Variants in ZNF280D observed in about 807,000 individuals in gnomAD.
ZNF280D encodes suppressor of hairy wing homolog 4.
Under a neutral mutation model 94.7 loss-of-function variants are expected in ZNF280D, and 39 were observed. The observed-to-expected ratio is 0.41, with a 90% CI of 0.32 to 0.54. The LOEUF (loss-of-function observed/expected upper bound fraction) is 0.54, where lower values mean the gene tolerates loss of function less well. Ranked by LOEUF, ZNF280D falls within the 20% of genes least tolerant of loss-of-function variation. The pLI is 0.22. For synonymous variants in ZNF280D, 398 were observed against 377.6 expected, an observed-to-expected ratio of 1.05 and a Z score of -0.63; for missense variants, 1,090 against 1,149.3, an observed-to-expected ratio of 0.95 and a Z score of 0.75.
intron 7 of ZNF280D, among the ~76,000 whole-genome samples, chr15:56,691,616 A>T (rs1433531174): frequency 6.6e-6 from 1 of 152,128 alleles, no homozygotes; most frequent in Non-Finnish European, 1.5e-5. Context: ...GCTGGTAAAA[A>T]TCCTATTCTC....
At chr15:56,695,925 T>C (rs2056720909) in intron 6 of ZNF280D, among the ~76,000 whole-genome samples, 2 of 152,178 alleles carry the variant, frequency 1.3e-5, no homozygotes, top group Non-Finnish European at 1.5e-5. Flanking sequence ...TACACTCTTC[T>C]CACTTTTCTA....
intron 9 of ZNF280D, among the ~76,000 whole-genome samples, chr15:56,687,303 A>G (rs1348361471): frequency 1.3e-5 from 2 of 152,132 alleles, no homozygotes. Flanking sequence ...TGAAAATTCT[A>G]TGAAGTTCTG....
chr15:56,709,081 T>C (rs1306907289), intron 1 of ZNF280D, among the ~76,000 whole-genome samples: 4 of 151,864 alleles, frequency 2.6e-5, no homozygotes, highest in South Asian at 2.1e-4. Flanking sequence ...AACCTACAGA[T>C]TGGGAGAAAA....
At chr15:56,677,976 C>T (rs2055348417) in intron 11 of ZNF280D, among the ~76,000 whole-genome samples, 1 of 151,338 alleles carries the variant, frequency 6.6e-6, no homozygotes, top group African/African-American at 2.4e-5. Context: ...TAAAACCAAG[C>T]TATCTTGCTC....
Position 56,682,400 on chromosome 15 carries a change from T to C in ZNF280D, c.858A>G (p.Thr286=). ...TEFSSTVNKN[T]TIDSEKGKLI... The stretch of plus-strand genomic sequence containing the variant: ...ATTTTCCTTTCTCTGAATCAATAGT[T>C]GTGTTTTTATTTACTGTACTTGAAA... Residue 286 remains threonine (T), a synonymous_variant, in exon 10 of 22, where the codon ACA becomes ACG. Transcript: ENST00000267807. 1 of 1,590,806 alleles carries C rather than the reference T, an allele frequency of 6.3e-7. No homozygotes were observed. Among genetic ancestry groups the C allele is most frequent in the Non-Finnish European group, 8.5e-7 (1 of 1,174,078 alleles).
At chr15:56,708,657 G>C (rs1040527337) in intron 1 of ZNF280D, among the ~76,000 whole-genome samples, 33 of 152,248 alleles carry the variant, frequency 2.2e-4, no homozygotes, top group African/African-American at 7.5e-4. Context: ...TACCAAAACA[G>C]AGATATAGGC....
At chr15:56,685,253 C>A (rs983346760) in intron 9 of ZNF280D, among the ~76,000 whole-genome samples, 2 of 151,770 alleles carry the variant, frequency 1.3e-5, no homozygotes, top group Admixed American at 6.6e-5. Flanking sequence ...AAACAGAAAA[C>A]GAAATAAACC....
intron 14 of ZNF280D, among the ~76,000 whole-genome samples, 184 bp downstream of exon 14, chr15:56,668,639 C>T (rs1269868545): frequency 6.6e-6 from 1 of 152,070 alleles, no homozygotes; most frequent in African/African-American, 2.4e-5. Flanking sequence ...TCTAACCTAA[C>T]AGCTATCACT....
intron 18 of ZNF280D, 47 bp from the exon 19 acceptor site, chr15:56,654,281 T>A (rs1189455178): frequency 6.2e-7 from 1 of 1,601,082 alleles, no homozygotes. Context: ...ATATGAAATA[T>A]GATGAGTGAG....
rs979899157 is a variant in ZNF280D at position 56,660,682 on chromosome 15, A to T, written c.1995-2196T>A. 5.9e-5 allele frequency among the ~76,000 whole-genome samples: 9 copies of T among 152,248 alleles called. No homozygotes were observed. The East Asian group carries it at 1.7e-3, about 29-fold the overall frequency. On this transcript the variant is annotated intron_variant, in intron 16 of 21. Coordinates refer to ENST00000267807, the MANE Select transcript of ZNF280D (RefSeq NM_017661.4). ...ATATAATGTTAAAACCTAATTTTTT[A>T]AAAAAATCCCTTACTTGATTAGCTG...
intron 17 of ZNF280D, among the ~76,000 whole-genome samples, chr15:56,655,002 A>C (rs548843157): frequency 1.3e-4 from 20 of 152,334 alleles, no homozygotes; most frequent in Admixed American, 6.5e-4. Flanking sequence ...ATTCAGTTGG[A>C]GATAAAATCA....
chr15:56,717,256 CA>C, intron 1 of ZNF280D, among the ~76,000 whole-genome samples: 1 of 152,162 alleles, frequency 6.6e-6, no homozygotes, highest in South Asian at 2.1e-4. Flanking sequence ...TGCTGGGTGG[CA>C]AAAATAACAG....
intron 16 of ZNF280D, among the ~76,000 whole-genome samples, chr15:56,662,597 G>A (rs943185846): frequency 1.3e-5 from 2 of 152,078 alleles, no homozygotes; most frequent in Non-Finnish European, 2.9e-5. Context: ...GGCCAAGGCG[G>A]GTGGATCAAC....
chr15:56,645,500 A>G (rs2052837071), intron 19 of ZNF280D, among the ~76,000 whole-genome samples: 1 of 151,994 alleles, frequency 6.6e-6, no homozygotes, highest in African/African-American at 2.4e-5. Flanking sequence ...GACTAAAATG[A>G]CCCTATTTGC....
intron 16 of ZNF280D, among the ~76,000 whole-genome samples, chr15:56,662,397 A>AT (rs1261661546): frequency 1.3e-5 from 2 of 152,186 alleles, no homozygotes; most frequent in Non-Finnish European, 2.9e-5. Flanking sequence ...TTCTTCTGAG[A>AT]TTTTATTTAG....
At chr15:56,715,243 A>G (rs2057979176) in intron 1 of ZNF280D, among the ~76,000 whole-genome samples, 4 of 152,326 alleles carry the variant, frequency 2.6e-5, no homozygotes, top group African/African-American at 9.6e-5. Context: ...AAACATATGC[A>G]TTAATCCTTA....
intron 1 of ZNF280D, among the ~76,000 whole-genome samples, chr15:56,732,126 A>G (rs2058922482): frequency 6.6e-6 from 1 of 152,242 alleles, no homozygotes; most frequent in African/African-American, 2.4e-5. Flanking sequence ...ACTAGAGTTG[A>G]GCACCGGAGA....
At chr15:56,710,289 A>C (rs1302934963) in intron 1 of ZNF280D, among the ~76,000 whole-genome samples, 1 of 152,214 alleles carries the variant, frequency 6.6e-6, no homozygotes, top group African/African-American at 2.4e-5. Context: ...CTGTAGTCCC[A>C]GCTACTTGGG....
intron 17 of ZNF280D, among the ~76,000 whole-genome samples, chr15:56,655,310 C>T (rs564689203): frequency 3.9e-5 from 6 of 152,288 alleles, no homozygotes; most frequent in East Asian, 1.9e-4. Flanking sequence ...TGGGTTCAAG[C>T]GATTCTCCTG....
Sources: gnomAD v4.1 joint callset for allele counts (sites outside exome capture counted in the v4.1 genomes callset) on GRCh38, gnomAD v4.1.1 for gene constraint, MANE v1.5 for transcripts, NCBI Gene and HGNC (gene_info 2026-07-23, HGNC 2026-07-21) for gene names.